Variants in CCDC60 observed in about 807,000 individuals in gnomAD.
The protein encoded by CCDC60 is coiled-coil domain-containing protein 60.
In CCDC60, 54 loss-of-function variants were observed where a neutral mutation model predicts 63.5. The ratio of observed to expected loss-of-function variants is 0.85; its 90% CI spans 0.68 to 1.07. The LOEUF is 1.07. Ranked by LOEUF, CCDC60 falls within the 50% of genes least tolerant of loss-of-function variation. The pLI is 0.00. For synonymous variants in CCDC60, 206 were observed against 238.8 expected, an observed-to-expected ratio of 0.86 and a Z score of 1.27; for missense variants, 651 against 684.3, an observed-to-expected ratio of 0.95 and a Z score of 0.54.
At chr12:119,531,161 C>A in intron 13 of CCDC60, 98 bp downstream of exon 13, 1 of 1,082,924 alleles carries the variant, frequency 9.2e-7, no homozygotes, top group South Asian at 1.7e-5. Context: ...GACACAAAGT[C>A]CCCTGCCTTT....
chr12:119,387,061 C>T (rs962391524), intron 1 of CCDC60, among the ~76,000 whole-genome samples: 1 of 151,386 alleles, frequency 6.6e-6, no homozygotes, highest in Non-Finnish European at 1.5e-5. Flanking sequence ...CACACACACA[C>T]ACACACACAC....
chr12:119,387,753 T>C (rs1956085690), intron 1 of CCDC60, among the ~76,000 whole-genome samples: 1 of 152,236 alleles, frequency 6.6e-6, no homozygotes, highest in African/African-American at 2.4e-5. Context: ...AAAATTTACC[T>C]AATTGCTTTT....
chr12:119,479,094 C>T lies in CCDC60; in HGVS notation c.342C>T (p.Ser114=), dbSNP rs1235658064. The T allele has an allele frequency of 1.2e-6, 2 of 1,606,926 alleles. No individual in the cohort carries two copies. The highest frequency in any genetic ancestry group is 1.7e-6 in the Non-Finnish European group (2 of 1,174,072). ...SEIHYGDTLL[S]TYDDEKLKTL... ...GTTTCTCTGTCTGCTTGTCCTTCAGCACATATGATGATGAGAAGTTGAAGA... is the reference window on the plus strand; with the variant it reads ...GTTTCTCTGTCTGCTTGTCCTTCAGTACATATGATGATGAGAAGTTGAAGA... The change falls in exon 4 of 14, where the codon AGC becomes AGT. Residue 114 remains serine, a splice_region_variant and synonymous_variant. Coordinates refer to ENST00000327554, the MANE Select transcript of CCDC60 (RefSeq NM_178499.5).
chr12:119,483,319 C>G (rs1300727448), intron 4 of CCDC60, among the ~76,000 whole-genome samples: 1 of 152,258 alleles, frequency 6.6e-6, no homozygotes, highest in Non-Finnish European at 1.5e-5. Context: ...GGATCAGAGC[C>G]TGGTCAGTCC....
At chr12:119,366,578 CTG>C (rs1009112702) in intron 1 of CCDC60, among the ~76,000 whole-genome samples, 23 of 152,196 alleles carry the variant, frequency 1.5e-4, no homozygotes, top group Admixed American at 1.3e-3. Flanking sequence ...ACACAGAAAA[CTG>C]TGCCCTGGGT....
intron 7 of CCDC60, among the ~76,000 whole-genome samples, chr12:119,510,019 A>G (rs1285025153): frequency 1.3e-5 from 2 of 152,176 alleles, no homozygotes; most frequent in African/African-American, 2.4e-5. Context: ...CCTGAAGGCC[A>G]CCTGAGTTTT....
chr12:119,466,532 C>T (rs762849947), intron 2 of CCDC60, among the ~76,000 whole-genome samples: 1 of 152,158 alleles, frequency 6.6e-6, no homozygotes, highest in Non-Finnish European at 1.5e-5. Flanking sequence ...GGATTTCAAG[C>T]TCCAACACTC....
chr12:119,533,250 C>A (rs922495215), intron 13 of CCDC60, among the ~76,000 whole-genome samples: 23 of 152,262 alleles, frequency 1.5e-4, no homozygotes, highest in African/African-American at 5.1e-4. Flanking sequence ...CCTTCACCTA[C>A]TTTTTGATGG....
chr12:119,532,494 A>G (rs992854831), intron 13 of CCDC60, among the ~76,000 whole-genome samples: 2 of 151,208 alleles, frequency 1.3e-5, no homozygotes, highest in Admixed American at 6.6e-5. Flanking sequence ...ATAGGTATAC[A>G]TGTGTCATGG....
chr12:119,523,811 C>T lies in CCDC60; in HGVS notation c.1222C>T (p.Leu408Phe), dbSNP rs1952599978. 1 of 1,613,992 alleles carries T rather than the reference C, an allele frequency of 6.2e-7. No homozygotes were observed. The highest frequency in any genetic ancestry group is 1.3e-5 in the African/African-American group (1 of 74,948). The change falls in exon 11 of 14, where the codon CTC (leucine) becomes TTC (phenylalanine). Residue 408 changes from leucine to phenylalanine, a missense_variant. Leu to Phe is a conservative substitution (Grantham distance 22). Coordinates refer to ENST00000327554, the MANE Select transcript of CCDC60 (RefSeq NM_178499.5). ...GFCLQDKMEI[L>F]MKRQEERGIQ... ...CTGCCTGCAGGACAAGATGGAAATCCTCATGAAGTAAGCGCACATATATAT... is the reference window on the plus strand; with the variant it reads ...CTGCCTGCAGGACAAGATGGAAATCTTCATGAAGTAAGCGCACATATATAT...
intron 4 of CCDC60, among the ~76,000 whole-genome samples, chr12:119,483,306 T>G (rs972745473): frequency 6.6e-6 from 1 of 152,246 alleles, no homozygotes; most frequent in East Asian, 1.9e-4. Context: ...CATCAGCCAA[T>G]GCGGATCAGA....
chr12:119,441,345 C>T (rs1005253151), intron 2 of CCDC60, among the ~76,000 whole-genome samples: 2 of 152,176 alleles, frequency 1.3e-5, no homozygotes, highest in Non-Finnish European at 1.5e-5. Context: ...CAGTTCACCA[C>T]TTAGAGTGGA....
At chr12:119,474,040 T>C (rs1951124302) in intron 3 of CCDC60, among the ~76,000 whole-genome samples, 2 of 152,182 alleles carry the variant, frequency 1.3e-5, no homozygotes, top group Admixed American at 1.3e-4. Context: ...TTAAGGAAAC[T>C]CCATACTGTT....
chr12:119,410,889 C>A lies in CCDC60; in HGVS notation c.91-17794C>A, dbSNP rs369458272. On this transcript the variant is annotated intron_variant, in intron 1 of 13. Transcript: ENST00000327554. The surrounding 1 kb of genome is among the most constrained non-coding windows in gnomAD (Gnocchi z 4.0). ...TTCTGAGTAGCTGGGACTACAGGCA[C>A]GCACCACTACACTCAGCTAATTTTT... Among the ~76,000 whole-genome samples the A allele has an allele frequency of 2.8e-4, 42 of 151,316 alleles. 2 individuals are homozygous for A. The South Asian group carries it at 8.7e-3, about 31-fold the overall frequency.
intron 2 of CCDC60, among the ~76,000 whole-genome samples, chr12:119,467,466 C>T: frequency 6.6e-6 from 1 of 152,196 alleles, no homozygotes; most frequent in South Asian, 2.1e-4. Flanking sequence ...ATTAGTGCCC[C>T]TATAAAAGAG....
intron 4 of CCDC60, among the ~76,000 whole-genome samples, chr12:119,484,326 T>C (rs1018234594): frequency 6.6e-5 from 10 of 152,200 alleles, no homozygotes; most frequent in Admixed American, 1.3e-4. Context: ...GAGTAAGGAC[T>C]CTTATGGGAA....
intron 2 of CCDC60, among the ~76,000 whole-genome samples, chr12:119,461,355 A>G (rs1950853735): frequency 6.6e-6 from 1 of 152,184 alleles, no homozygotes; most frequent in Admixed American, 6.5e-5. Context: ...ATGAAAAAGT[A>G]GAGTCCAGCC....
At chr12:119,356,253 A>C (rs1386402026) in intron 1 of CCDC60, among the ~76,000 whole-genome samples, 1 of 152,210 alleles carries the variant, frequency 6.6e-6, no homozygotes, top group Non-Finnish European at 1.5e-5. Context: ...ATCTTCAGTG[A>C]AATCTCTTTG....
At chr12:119,343,614 A>G (rs1266319703) in intron 1 of CCDC60, among the ~76,000 whole-genome samples, 2 of 151,448 alleles carry the variant, frequency 1.3e-5, no homozygotes, top group African/African-American at 4.9e-5. Flanking sequence ...TTTATAAATA[A>G]CTATGAATCA....
Sources: allele counts gnomAD v4.1 joint callset (sites outside exome capture counted in the v4.1 genomes callset), GRCh38; gene constraint gnomAD v4.1.1; non-coding constraint Gnocchi (gnomAD v3.1); transcripts MANE v1.5; gene names NCBI Gene and HGNC (gene_info 2026-07-23, HGNC 2026-07-21).